ETV5: variants seen among roughly 807,000 people sequenced by gnomAD.
ETV5 encodes the protein ETS variant transcription factor 5, also known as ETS translocation variant 5.
A neutral mutation model predicts 70.0 loss-of-function variants in ETV5; 10 were observed. The observed-to-expected ratio is 0.14, with a 90% CI of 0.09 to 0.24. ETV5 has a LOEUF of 0.24. Ranked by LOEUF, ETV5 falls within the 10% of genes least tolerant of loss-of-function variation. The pLI is 1.00. For synonymous variants in ETV5, 216 were observed against 242.2 expected, an observed-to-expected ratio of 0.89 and a Z score of 1.01; for missense variants, 453 against 651.2, an observed-to-expected ratio of 0.70 and a Z score of 3.31.
intron 7 of ETV5, among the ~76,000 whole-genome samples, chr3:186,074,332 A>G (rs1487753212): frequency 6.6e-6 from 1 of 152,230 alleles, no homozygotes; most frequent in Non-Finnish European, 1.5e-5. Flanking sequence ...CCAGTAATTA[A>G]AAATCTTCCT....
chr3:186,090,505 G>C (rs181681671), intron 5 of ETV5, among the ~76,000 whole-genome samples: 3 of 152,112 alleles, frequency 2.0e-5, no homozygotes, highest in Non-Finnish European at 4.4e-5. Context: ...TCATATTAAT[G>C]CATCTATAAC....
intron 9 of ETV5, among the ~76,000 whole-genome samples, chr3:186,061,802 C>T (rs1713310697): frequency 6.6e-6 from 1 of 152,202 alleles, no homozygotes; most frequent in African/African-American, 2.4e-5. Context: ...TGATTTGCTA[C>T]TGTCATTCAT....
chr3:186,102,650 A>G (rs1357970658), intron 5 of ETV5, among the ~76,000 whole-genome samples: 1 of 151,946 alleles, frequency 6.6e-6, no homozygotes, highest in African/African-American at 2.4e-5. Context: ...AAAAAAAAAA[A>G]AAAAAAAGGT....
intron 1 of ETV5, chr3:186,106,950 G>C (rs1158811266): frequency 1.0e-6 from 1 of 984,776 alleles, no homozygotes; most frequent in Admixed American, 6.1e-5. Flanking sequence ...ACTCACTCCA[G>C]CTCTAAGCAA....
Position 186,080,029 on chromosome 3 carries a change from C to T in ETV5, c.438G>A (p.Gln146=). The T allele has an allele frequency of 9.2e-6, 14 of 1,516,834 alleles. No individual in the cohort carries two copies. The highest frequency in any genetic ancestry group is 1.2e-5 in the Non-Finnish European group (14 of 1,140,854). The allele number at this position is 1,516,834 out of a possible 1,614,324, so 94.0% of individuals were successfully genotyped here. A position where few individuals can be genotyped will look rare whatever the true frequency, so the allele number is the denominator to read the frequency against. The stretch of plus-strand genomic sequence containing the variant: ...CCTGAGGTGGGGGAAATAGGGGATT[C>T]TGATGGGTGGGTGAGAGGGGGGTTG... ...PPTTPLSPTH[Q]NPLFPPPQAT... The change falls in exon 7 of 13, where the codon CAG becomes CAA. Residue 146 remains glutamine, a synonymous_variant. Coordinates refer to ENST00000306376, the MANE Select transcript of ETV5 (RefSeq NM_004454.3).
intron 5 of ETV5, among the ~76,000 whole-genome samples, chr3:186,102,093 C>A (rs1198272097): frequency 6.6e-6 from 1 of 151,826 alleles, no homozygotes; most frequent in Non-Finnish European, 1.5e-5. Context: ...AGGATGTATC[C>A]CTATGGGCAG....
intron 5 of ETV5, among the ~76,000 whole-genome samples, chr3:186,094,857 A>T (rs1267259177): frequency 1.3e-5 from 2 of 152,212 alleles, no homozygotes; most frequent in Non-Finnish European, 2.9e-5. Flanking sequence ...AACTGACTCC[A>T]GGAGAGTCAA....
At position 186,081,103 on chromosome 3, in the gene ETV5, C is replaced by T. The variant is rs202139916; in HGVS notation, c.305G>A (p.Cys102Tyr). 1.2e-6 allele frequency: 2 copies of T among 1,613,806 alleles called. No individual in the cohort carries two copies. The highest frequency in any genetic ancestry group is 2.2e-5 in the East Asian group (1 of 44,864). The stretch of plus-strand genomic sequence containing the variant: ...AGCACCAAGAGCCTGCTCATGGCTA[C>T]AAGACGACAGCTCAGAGGAGGGGCT... ...LHSPSSELSS[C>Y]SHEQALGANY... is the part of the protein sequence containing the mutation. Residue 102 changes from cysteine (C) to tyrosine (Y), a missense_variant, in exon 6 of 13, where the codon TGT becomes TAT. By Grantham distance (194) the Cys-to-Tyr change is radical. This residue lies in a region of ETV5 where 307 missense variants were observed against 344.9 expected (regional missense o/e 0.89). Transcript: ENST00000306376.
chr3:186,099,595 C>T (rs923733640), intron 5 of ETV5, among the ~76,000 whole-genome samples: 1 of 152,146 alleles, frequency 6.6e-6, no homozygotes, highest in Non-Finnish European at 1.5e-5. Context: ...AACAGTTTCT[C>T]GGCAGAGAAT....
intron 5 of ETV5, among the ~76,000 whole-genome samples, chr3:186,081,668 A>G (rs757213008): frequency 2.0e-5 from 3 of 152,256 alleles, no homozygotes; most frequent in Non-Finnish European, 4.4e-5. Flanking sequence ...GAATTTTTAA[A>G]AAGTCCTTTC....
intron 12 of ETV5, among the ~76,000 whole-genome samples, chr3:186,051,431 C>G (rs1713027235): frequency 6.6e-6 from 1 of 152,178 alleles, no homozygotes; most frequent in African/African-American, 2.4e-5. Context: ...GCTACCTATC[C>G]CACGAAGAAT....
intron 9 of ETV5, among the ~76,000 whole-genome samples, chr3:186,061,753 C>T (rs1713309364): frequency 6.6e-6 from 1 of 152,198 alleles, no homozygotes; most frequent in Non-Finnish European, 1.5e-5. Flanking sequence ...AGCATGATCT[C>T]AGTCCCTACC....
In ETV5 at chr3:186,100,959, A is replaced by C. The variant is rs77252760; in HGVS notation, c.232+4346T>G. 5.3e-5 allele frequency among the ~76,000 whole-genome samples: 8 copies of C among 152,370 alleles called. No individual in the cohort carries two copies. The East Asian group carries it at 1.5e-3, about 29-fold the overall frequency. On this transcript the variant is annotated intron_variant, in intron 5 of 12. Transcript: ENST00000306376. Reference sequence around the variant, plus strand: ...TATTTATATATGCTAAAATCTAGTAACACACTCTTTAAGTACCCAGTCAGT... The same window carrying C: ...TATTTATATATGCTAAAATCTAGTACCACACTCTTTAAGTACCCAGTCAGT...
chr3:186,103,620 AACACACACACACACAC>A (rs10534124), intron 5 of ETV5, among the ~76,000 whole-genome samples: 6,248 of 142,894 alleles, frequency 0.044, 424 homozygotes, highest in East Asian at 0.25. Flanking sequence ...TCATCTTGCA[AACACACACACACACAC>A]ACACACACAC....
At chr3:186,079,455 C>T (rs1030582446) in intron 7 of ETV5, 1 of 257,492 alleles carries the variant, frequency 3.9e-6, no homozygotes. Context: ...AACTGAAGTT[C>T]AATTCTATTA....
At chr3:186,068,024 A>G (rs933074914) in intron 7 of ETV5, among the ~76,000 whole-genome samples, 1 of 152,240 alleles carries the variant, frequency 6.6e-6, no homozygotes, top group African/African-American at 2.4e-5. Context: ...TTAACTCATT[A>G]GTAATTAAAA....
chr3:186,093,742 T>C (rs2150153068), intron 5 of ETV5, among the ~76,000 whole-genome samples: 1 of 152,310 alleles, frequency 6.6e-6, no homozygotes, highest in Non-Finnish European at 1.5e-5. Flanking sequence ...TCTTTACTCC[T>C]TCCAGAGAGA....
intron 11 of ETV5, among the ~76,000 whole-genome samples, chr3:186,055,347 G>A (rs549046132): frequency 6.6e-6 from 1 of 152,298 alleles, no homozygotes; most frequent in African/African-American, 2.4e-5. Flanking sequence ...CATAAACCAG[G>A]CCACGTTATT....
In ETV5 at chr3:186,080,101, G is replaced by A. The variant is rs1180169768; in HGVS notation, c.366C>T (p.Ala122=). The A allele has an allele frequency of 1.4e-6, 2 of 1,479,110 alleles. No individual in the cohort carries two copies. The highest frequency in any genetic ancestry group is 1.8e-6 in the Non-Finnish European group (2 of 1,121,616). 91.6% of individuals were successfully genotyped at this position (1,479,110 alleles called of 1,614,324 possible). A position where few individuals can be genotyped will look rare whatever the true frequency, so the allele number is the denominator to read the frequency against. Residue 122 remains alanine, a synonymous_variant, in exon 7 of 13, where the codon GCC becomes GCT. Coordinates refer to ENST00000306376, the MANE Select transcript of ETV5 (RefSeq NM_004454.3). ...YGEKCLYNYC[A]YDRKPPSGFK... is the part of the protein sequence containing the mutation. ...ACCCAGAGGGAGGCTTCCTATCATA[G>A]GCACTGTAAACAGAAAAAGAGAAGG... is the stretch of plus-strand genomic sequence containing the variant.
Sources: gnomAD v4.1 joint callset for allele counts (sites outside exome capture counted in the v4.1 genomes callset) on GRCh38, gnomAD v4.1.1 for gene constraint, gnomAD v4.1.1 regional missense constraint, MANE v1.5 for transcripts, NCBI Gene and HGNC (gene_info 2026-07-23, HGNC 2026-07-21) for gene names.